CNTN6: variants seen among roughly 807,000 people sequenced by gnomAD.
CNTN6 encodes the protein contactin-6.
In CNTN6, 137 loss-of-function variants were observed where a neutral mutation model predicts 122.8. The ratio of observed to expected loss-of-function variants is 1.12; its 90% CI spans 0.97 to 1.29. The LOEUF (loss-of-function observed/expected upper bound fraction) is 1.29, where lower values mean the gene tolerates loss of function less well. Ranked by LOEUF, CNTN6 falls within the 50% of genes most tolerant of loss-of-function variation. The pLI is 0.00. For missense variants in CNTN6, 1,634 were observed against 1,223.4 expected, an observed-to-expected ratio of 1.34 and a Z score of -5.01; for synonymous variants, 570 against 426.0, an observed-to-expected ratio of 1.34 and a Z score of -4.16.
intron 12 of CNTN6, among the ~76,000 whole-genome samples, chr3:1,366,751 T>G (rs1476347818): frequency 6.6e-6 from 1 of 152,184 alleles, no homozygotes; most frequent in Non-Finnish European, 1.5e-5. Flanking sequence ...GACAGCCATC[T>G]GCACAGGATG....
chr3:1,121,062 G>T (rs1219176749), intron 1 of CNTN6, among the ~76,000 whole-genome samples: 2 of 151,970 alleles, frequency 1.3e-5, no homozygotes, highest in African/African-American at 4.8e-5. Flanking sequence ...AATGATCATT[G>T]TTTAATAATA....
At chr3:1,160,367 T>TATATATATATATATATATATATATACAC (rs1491110079) in intron 2 of CNTN6, among the ~76,000 whole-genome samples, 3 of 112,546 alleles carry the variant, frequency 2.7e-5, no homozygotes, top group African/African-American at 6.6e-5. Context: ...TATATATATA[T>TATATATATATATATATATATATATACAC]ACACACTACC....
intron 17 of CNTN6, 62 bp downstream of exon 17, chr3:1,377,137 T>A: frequency 2.6e-6 from 3 of 1,160,052 alleles, no homozygotes; most frequent in Admixed American, 4.3e-5. Context: ...AGAAAGAAAC[T>A]GAAAAACAAA....
chr3:1,298,082 A>T, intron 7 of CNTN6, 91 bp downstream of exon 7: 2 of 846,990 alleles, frequency 2.4e-6, no homozygotes, highest in Non-Finnish European at 3.7e-6. Flanking sequence ...GCTCTAAGGT[A>T]AATTACCAAG....
At chr3:1,293,034 G>C (rs189228618) in intron 5 of CNTN6, among the ~76,000 whole-genome samples, 1 of 151,880 alleles carries the variant, frequency 6.6e-6, no homozygotes, top group Non-Finnish European at 1.5e-5. Flanking sequence ...CACTTCATGC[G>C]CAAGTAGCAT....
intron 11 of CNTN6, among the ~76,000 whole-genome samples, chr3:1,337,307 T>C (rs889015713): frequency 2.6e-5 from 4 of 152,160 alleles, no homozygotes; most frequent in African/African-American, 7.2e-5. Context: ...CAGCCAATTA[T>C]ATGATTCTTC....
chr3:1,314,085 G>C (rs1699771193), intron 7 of CNTN6, among the ~76,000 whole-genome samples: 1 of 152,014 alleles, frequency 6.6e-6, no homozygotes, highest in Non-Finnish European at 1.5e-5. Context: ...ACAGAATCAT[G>C]ACTCCATTTA....
intron 2 of CNTN6, among the ~76,000 whole-genome samples, chr3:1,168,859 C>T (rs1165008905): frequency 1.3e-5 from 2 of 152,066 alleles, no homozygotes; most frequent in East Asian, 3.9e-4. Flanking sequence ...AACAGTGATG[C>T]TAATATATAG....
chr3:1,294,190 A>G (rs1695813858), intron 5 of CNTN6, among the ~76,000 whole-genome samples: 1 of 152,224 alleles, frequency 6.6e-6, no homozygotes, highest in African/African-American at 2.4e-5. Context: ...CAATCTGGAA[A>G]TAATCCAAAT....
chr3:1,195,899 G>GTT (rs142615739), intron 2 of CNTN6, among the ~76,000 whole-genome samples: 1 of 149,854 alleles, frequency 6.7e-6, no homozygotes, highest in African/African-American at 2.4e-5. Context: ...CCAAAGAGAA[G>GTT]TTTTTTTTTT....
chr3:1,354,896 C>T (rs1706302169), intron 12 of CNTN6, among the ~76,000 whole-genome samples: 1 of 151,474 alleles, frequency 6.6e-6, no homozygotes, highest in African/African-American at 2.4e-5. Context: ...TTCTGACAGA[C>T]ATCGATCACC....
intron 4 of CNTN6, among the ~76,000 whole-genome samples, chr3:1,274,002 A>C (rs1487419632): frequency 2.0e-5 from 3 of 152,160 alleles, no homozygotes; most frequent in South Asian, 2.1e-4. Flanking sequence ...AGAATCATTC[A>C]ATTTCTCATT....
intron 4 of CNTN6, among the ~76,000 whole-genome samples, chr3:1,232,782 T>C (rs921445952): frequency 1.3e-5 from 2 of 152,130 alleles, no homozygotes; most frequent in Non-Finnish European, 1.5e-5. Flanking sequence ...AAGTGAGAAG[T>C]AGTGAAGTTT....
At chr3:1,285,566 C>G (rs1037837563) in intron 5 of CNTN6, among the ~76,000 whole-genome samples, 1 of 152,148 alleles carries the variant, frequency 6.6e-6, no homozygotes, top group Non-Finnish European at 1.5e-5. Context: ...AGGCACTAAA[C>G]TTAGCATTTG....
At chr3:1,109,787 T>A (rs1159527958) in intron 1 of CNTN6, among the ~76,000 whole-genome samples, 6 of 152,194 alleles carry the variant, frequency 3.9e-5, no homozygotes, top group African/African-American at 1.4e-4. Context: ...ATATACACAC[T>A]CATATTTTGT....
intron 2 of CNTN6, among the ~76,000 whole-genome samples, chr3:1,214,307 T>TC (rs2125491674): frequency 7.5e-6 from 1 of 133,136 alleles, no homozygotes. Flanking sequence ...ATGTCTTTTT[T>TC]TTTTTTTTTT....
intron 5 of CNTN6, among the ~76,000 whole-genome samples, chr3:1,280,237 A>G (rs1693132739): frequency 6.6e-6 from 1 of 152,138 alleles, no homozygotes. Flanking sequence ...TTAAAAAATT[A>G]AAAGGCAGCC....
At chr3:1,387,373 A>T (rs1410818022) in intron 20 of CNTN6, among the ~76,000 whole-genome samples, 2 of 152,214 alleles carry the variant, frequency 1.3e-5, no homozygotes, top group Non-Finnish European at 2.9e-5. Flanking sequence ...GACTAAATCA[A>T]TGAAGTTGTT....
chr3:1,369,346 G>A (rs1421743603), intron 12 of CNTN6, among the ~76,000 whole-genome samples: 1 of 149,128 alleles, frequency 6.7e-6, no homozygotes, highest in Non-Finnish European at 1.5e-5. Flanking sequence ...TCATCTCTGT[G>A]AAGCAACACT....
Sources: allele counts gnomAD v4.1 joint callset (sites outside exome capture counted in the v4.1 genomes callset), GRCh38; gene constraint gnomAD v4.1.1; transcripts MANE v1.5; gene names NCBI Gene and HGNC (gene_info 2026-07-23, HGNC 2026-07-21).